Variants in LMTK2 observed in about 807,000 individuals in gnomAD.
The protein encoded by LMTK2 is lemur tail kinase 2, also known as serine/threonine-protein kinase LMTK2.
Under a neutral mutation model 127.5 loss-of-function variants are expected in LMTK2, and 37 were observed. The observed-to-expected ratio is 0.29, with a 90% CI of 0.22 to 0.38. The LOEUF is 0.38. LMTK2 is among the 10% of genes least tolerant of loss of function. The probability of loss-of-function intolerance (pLI) is 1.00; values close to 1 mark genes in which losing one functional copy is unlikely to be tolerated. For missense variants in LMTK2, 1,694 were observed against 1,920.3 expected (o/e 0.88, Z 2.20); for synonymous variants, 819 against 810.1 (o/e 1.01, Z -0.19).
rs1486209840 is a variant in LMTK2 at position 98,191,720 on chromosome 7, G to A, written c.1255G>A (p.Glu419Lys). ...YLRLQSQRDS[E>K]VDFEQQWNAL... ...GCGGCTGCAGAGCCAGCGGGACTCA[G>A]AGGTCGACTTTGAACAGCAGTGGAA... The change falls in exon 11 of 14, where the codon GAG (glutamate) becomes AAG (lysine). Residue 419 changes from glutamate to lysine, a missense_variant. Glu to Lys is a moderately conservative substitution (Grantham distance 56). Transcript: ENST00000297293. 1 of 1,614,106 alleles carries A rather than the reference G, an allele frequency of 6.2e-7. No individual in the cohort carries two copies. Among genetic ancestry groups the A allele is most frequent in the Non-Finnish European group, 8.5e-7 (1 of 1,180,048 alleles).
intron 11 of LMTK2, among the ~76,000 whole-genome samples, chr7:98,202,004 T>G (rs1562924674): frequency 2.0e-5 from 3 of 152,222 alleles, no homozygotes; most frequent in Non-Finnish European, 4.4e-5. Context: ...AGGCATTCTT[T>G]TCTTCTAGTA....
chr7:98,190,565 G>A (rs530016353), intron 9 of LMTK2, among the ~76,000 whole-genome samples, 163 bp from the exon 10 acceptor site: 1 of 152,138 alleles, frequency 6.6e-6, no homozygotes, highest in South Asian at 2.1e-4. Flanking sequence ...CTGGGCGACA[G>A]TGAGACTCTG....
At chr7:98,123,958 C>G (rs780604185) in intron 1 of LMTK2, among the ~76,000 whole-genome samples, 4 of 152,046 alleles carry the variant, frequency 2.6e-5, no homozygotes, top group Non-Finnish European at 5.9e-5. Flanking sequence ...TAAATAGCCT[C>G]TTTCCTCTCA....
In LMTK2 at chr7:98,186,944, C is replaced by G; in HGVS notation, c.944C>G (p.Thr315Ser). ...CGATGGACTGCTCCAGAATTAGTAACCAGCTTTCAAGACAGACTGCTAACT... is the reference window on the plus strand; with the variant it reads ...CGATGGACTGCTCCAGAATTAGTAAGCAGCTTTCAAGACAGACTGCTAACT... ...PLRWTAPELVTSFQDRLLTAD... is the reference protein window; with the variant it reads ...PLRWTAPELVSSFQDRLLTAD... The change falls in exon 9 of 14, where the codon ACC becomes AGC. Residue 315 changes from threonine (T) to serine (S), a missense_variant. Thr to Ser is a moderately conservative substitution (Grantham distance 58, BLOSUM62 1). This residue lies in a region of LMTK2 where 47 missense variants were observed against 95.4 expected (regional missense o/e 0.49). Coordinates refer to ENST00000297293, the MANE Select transcript of LMTK2 (RefSeq NM_014916.4). 6.2e-7 allele frequency: 1 copy of G among 1,613,482 alleles called. No homozygotes were observed. Among genetic ancestry groups the G allele is most frequent in the Non-Finnish European group, 8.5e-7 (1 of 1,179,434 alleles).
intron 1 of LMTK2, among the ~76,000 whole-genome samples, chr7:98,126,367 A>G (rs1796443869): frequency 6.6e-6 from 1 of 152,190 alleles, no homozygotes; most frequent in African/African-American, 2.4e-5. Context: ...AGCCCTGGGA[A>G]TCTGGCTCTG....
intron 5 of LMTK2, among the ~76,000 whole-genome samples, chr7:98,156,604 TAAAA>T (rs1004284586): frequency 6.6e-6 from 1 of 152,162 alleles, no homozygotes; most frequent in Non-Finnish European, 1.5e-5. Flanking sequence ...GGCAGTTTCT[TAAAA>T]AAACAAAACA....
intron 11 of LMTK2, among the ~76,000 whole-genome samples, chr7:98,196,656 C>G (rs1245145221): frequency 6.6e-6 from 1 of 152,188 alleles, no homozygotes; most frequent in Non-Finnish European, 1.5e-5. Flanking sequence ...CCTGGGGCCG[C>G]AGAGTATGGG....
chr7:98,160,582 CT>C (rs1484217926), intron 6 of LMTK2, among the ~76,000 whole-genome samples: 1 of 152,040 alleles, frequency 6.6e-6, no homozygotes, highest in African/African-American at 2.4e-5. Flanking sequence ...AAAGTGTATT[CT>C]GATGTTGTTC....
chr7:98,186,558 G>C (rs1009204453), intron 8 of LMTK2, among the ~76,000 whole-genome samples: 1 of 152,154 alleles, frequency 6.6e-6, no homozygotes, highest in Non-Finnish European at 1.5e-5. Context: ...ACTGTTCAGC[G>C]CATAAGTCCC....
chr7:98,149,604 A>T (rs1165363067), intron 3 of LMTK2, among the ~76,000 whole-genome samples: 1 of 152,198 alleles, frequency 6.6e-6, no homozygotes, highest in Non-Finnish European at 1.5e-5. Context: ...ACCTTGCACC[A>T]TATGTAAAAA....
At chr7:98,116,434 G>A (rs887072003) in intron 1 of LMTK2, among the ~76,000 whole-genome samples, 1 of 151,952 alleles carries the variant, frequency 6.6e-6, no homozygotes, top group Middle Eastern at 3.4e-3. Flanking sequence ...GCGTGTGTGT[G>A]TGTGTTTGTG....
At chr7:98,137,283 A>G (rs751890950) in intron 1 of LMTK2, 32 bp from the exon 2 acceptor site, 7 of 1,589,906 alleles carry the variant, frequency 4.4e-6, no homozygotes, top group African/African-American at 1.4e-5. Flanking sequence ...TGGAATGTAC[A>G]TGTTTTTAAT....
chr7:98,123,951 A>G (rs1020144687), intron 1 of LMTK2, among the ~76,000 whole-genome samples: 10 of 152,000 alleles, frequency 6.6e-5, no homozygotes, highest in African/African-American at 2.4e-4. Context: ...CACTTTTTAA[A>G]TAGCCTCTTT....
At position 98,171,658 on chromosome 7, in the gene LMTK2, C is replaced by T; in HGVS notation, c.775C>T (p.Leu259=). ...VAAGLAAMHK[L]HFLHSDLALR... ...CGCGGGGCTGGCCGCCATGCACAAG[C>T]TGCACTTCCTGCACAGGTGGGTACC... The change falls in exon 7 of 14, where the codon CTG becomes TTG. Residue 259 remains leucine (L), a synonymous_variant. Transcript: ENST00000297293. This position sits in a 1 kb window ranked among gnomAD's most constrained non-coding sequence, Gnocchi z 5.1. 1.9e-6 allele frequency: 3 copies of T among 1,590,122 alleles called. No individual in the cohort carries two copies. The highest frequency in any genetic ancestry group is 4.5e-4 in the Middle Eastern group (2 of 4,462).
At chr7:98,125,255 A>G (rs1255712863) in intron 1 of LMTK2, among the ~76,000 whole-genome samples, 6 of 149,924 alleles carry the variant, frequency 4.0e-5, no homozygotes, top group Non-Finnish European at 8.9e-5. Context: ...GTGAGCCAAG[A>G]TCACGCCGCT....
chr7:98,191,719 A>T lies in LMTK2; in HGVS notation c.1254A>T (p.Ser418=). The T allele has an allele frequency of 6.2e-7, 1 of 1,614,230 alleles. No individual in the cohort carries two copies. Among genetic ancestry groups the T allele is most frequent in the Non-Finnish European group, 8.5e-7 (1 of 1,180,036 alleles). Residue 418 remains serine, a synonymous_variant, in exon 11 of 14, where the codon TCA becomes TCT. Coordinates refer to ENST00000297293, the MANE Select transcript of LMTK2 (RefSeq NM_014916.4). ...TGCGGCTGCAGAGCCAGCGGGACTC[A>T]GAGGTCGACTTTGAACAGCAGTGGA... ...TYLRLQSQRD[S]EVDFEQQWNA...
At chr7:98,198,969 T>A (rs913622639) in intron 11 of LMTK2, among the ~76,000 whole-genome samples, 3 of 152,128 alleles carry the variant, frequency 2.0e-5, no homozygotes, top group Admixed American at 2.0e-4. Flanking sequence ...TTACTAATAA[T>A]TGGTTAATAT....
At chr7:98,200,410 T>A (rs961454166) in intron 11 of LMTK2, among the ~76,000 whole-genome samples, 5 of 152,172 alleles carry the variant, frequency 3.3e-5, no homozygotes, top group African/African-American at 1.2e-4. Flanking sequence ...ACTGTGTGAG[T>A]GTACTTATAA....
intron 6 of LMTK2, among the ~76,000 whole-genome samples, chr7:98,169,792 A>G (rs947118471): frequency 1.3e-5 from 2 of 151,934 alleles, no homozygotes; most frequent in African/African-American, 2.4e-5. Flanking sequence ...ATGGAGGGGC[A>G]TATGTTTTTA....
Sources: gnomAD v4.1 joint callset for allele counts (sites outside exome capture counted in the v4.1 genomes callset) on GRCh38, gnomAD v4.1.1 for gene constraint, gnomAD v4.1.1 regional missense constraint, Gnocchi (gnomAD v3.1) non-coding constraint, MANE v1.5 for transcripts, NCBI Gene and HGNC (gene_info 2026-07-23, HGNC 2026-07-21) for gene names.